Variants in ATAD5 observed in about 807,000 individuals in gnomAD.
ATAD5 encodes ATPase family AAA domain containing 5, also known as ATPase family AAA domain-containing protein 5.
ATAD5 carries 58 observed loss-of-function variants against 176.9 expected under a neutral mutation model. The ratio of observed to expected loss-of-function variants is 0.33; its 90% CI spans 0.27 to 0.41. The LOEUF is 0.41. ATAD5 is among the 10% of genes least tolerant of loss of function. The pLI is 1.00. For synonymous variants in ATAD5, 640 were observed against 712.6 expected, an observed-to-expected ratio of 0.90 and a Z score of 1.62; for missense variants, 1,789 against 2,094.1, an observed-to-expected ratio of 0.85 and a Z score of 2.84.
chr17:30,868,690 A>G (rs1039601480), intron 12 of ATAD5, among the ~76,000 whole-genome samples: 1 of 151,574 alleles, frequency 6.6e-6, no homozygotes, highest in East Asian at 1.9e-4. Context: ...TATTTTTAGT[A>G]GAGATGGGGT....
Position 30,837,240 on chromosome 17 carries a change from T to A in ATAD5, c.2002T>A (p.Ser668Thr). ...KFTRISTPKK[S>T]KKKSNKRSEK... ...CACCAGAATTAGTACTCCCAAAAAATCTAAGAAAAAATCTAACAAAAGATC... is the reference window on the plus strand; with the variant it reads ...CACCAGAATTAGTACTCCCAAAAAAACTAAGAAAAAATCTAACAAAAGATC... The change falls in exon 3 of 23, where the codon TCT becomes ACT. Residue 668 changes from serine (S) to threonine (T), a missense_variant. Around this residue, in one of 6 missense-constraint regions of ATAD5, gnomAD observed 487 missense variants for 573.6 expected, o/e 0.85. Transcript: ENST00000321990. The A allele has an allele frequency of 6.3e-7, 1 of 1,574,982 alleles. No homozygotes were observed. Among genetic ancestry groups the A allele is most frequent in the South Asian group, 1.2e-5 (1 of 82,990 alleles).
intron 14 of ATAD5, among the ~76,000 whole-genome samples, chr17:30,875,499 A>AATTAC (rs1344619559): frequency 6.6e-6 from 1 of 152,048 alleles, no homozygotes; most frequent in African/African-American, 2.4e-5. Flanking sequence ...TATTTGTTGT[A>AATTAC]AGAATGTGTA....
intron 2 of ATAD5, among the ~76,000 whole-genome samples, chr17:30,836,306 G>A (rs974767120): frequency 6.6e-6 from 1 of 151,696 alleles, no homozygotes; most frequent in African/African-American, 2.4e-5. Flanking sequence ...AGCCTCCCAA[G>A]TAGCTGGGAC....
chr17:30,841,941 G>A (rs1906144935), intron 4 of ATAD5, among the ~76,000 whole-genome samples: 2 of 151,120 alleles, frequency 1.3e-5, no homozygotes, highest in South Asian at 2.1e-4. Flanking sequence ...TCTTCTGGTT[G>A]AATATATAAA....
chr17:30,884,156 T>G (rs1909177749), intron 18 of ATAD5, among the ~76,000 whole-genome samples: 1 of 151,686 alleles, frequency 6.6e-6, no homozygotes, highest in African/African-American at 2.4e-5. Flanking sequence ...TTTGGCTTGT[T>G]GTGACCGGCT....
At position 30,850,847 on chromosome 17, in the gene ATAD5, ATATATATATATATATATATATATTTT is replaced by A. The variant is rs1906862502; in HGVS notation, c.2451-4294_2451-4269del. On this transcript the variant is annotated intron_variant, in intron 6 of 22. Coordinates refer to ENST00000321990, the MANE Select transcript of ATAD5 (RefSeq NM_024857.5). Reference sequence around the variant, plus strand: ...TTTATATATTTTTATATATATATATATATATATATATATATATATATATTTTTTTTTTTTTTTTTTTTTTTTTTTTT... The same window carrying A: ...TTTATATATTTTTATATATATATATATTTTTTTTTTTTTTTTTTTTTTTTT... Among the ~76,000 whole-genome samples, 4 of 31,384 alleles carry A rather than the reference ATATATATATATATATATATATATTTT, an allele frequency of 1.3e-4. No homozygotes were observed. In the Admixed American group the frequency reaches 1.5e-3, roughly 12 times the overall value. The allele number at this position is 31,384 out of a possible 152,430, so 20.6% of individuals were successfully genotyped here. A position where few individuals can be genotyped will look rare whatever the true frequency, so the allele number is the denominator to read the frequency against.
chr17:30,883,777 C>T (rs1909158750), intron 18 of ATAD5, among the ~76,000 whole-genome samples: 1 of 152,080 alleles, frequency 6.6e-6, no homozygotes, highest in Admixed American at 6.6e-5. Context: ...TTTCGATCTC[C>T]TGACCTCGTG....
intron 12 of ATAD5, among the ~76,000 whole-genome samples, chr17:30,868,866 T>C (rs1373718800): frequency 1.4e-5 from 2 of 147,646 alleles, no homozygotes; most frequent in Non-Finnish European, 3.0e-5. Context: ...TTTTTTTTTT[T>C]CACTCTGTCA....
intron 14 of ATAD5, 117 bp from the exon 15 acceptor site, chr17:30,876,257 T>C: frequency 5.9e-6 from 5 of 850,780 alleles, no homozygotes; most frequent in Non-Finnish European, 8.5e-6. Flanking sequence ...TGAAAGAAAA[T>C]TTCTGTGTCT....
rs1909757846 is a variant in ATAD5, at chr17:30,893,707, C to T, written c.4854C>T (p.Asn1618=). Residue 1618 remains asparagine (N), a synonymous_variant, in exon 21 of 23, where the codon AAC becomes AAT. Transcript: ENST00000321990. The part of the protein sequence containing the change: ...DEESKARDKG[N]NPETKKSIPC... ...AAAGCAAAGCCAGAGACAAAGGAAA[C>T]AATCCAGAGACAAAGAAATCTATTC... The T allele has an allele frequency of 6.2e-7, 1 of 1,613,452 alleles. No homozygotes were observed. The highest frequency in any genetic ancestry group is 1.3e-5 in the African/African-American group (1 of 74,874).
At position 30,835,614 on chromosome 17, in the gene ATAD5, GAAAC is replaced by G; in HGVS notation, c.1536_1539del (p.Lys512AsnfsTer6). On this transcript the variant is annotated frameshift_variant, in exon 2 of 23. Coordinates refer to ENST00000321990, the MANE Select transcript of ATAD5 (RefSeq NM_024857.5). LOFTEE classifies it high-confidence loss of function. Reference sequence around the variant, plus strand: ...AAGAAACAACCTTTTTCTTAAAAGAGAAACAATATCAAAATAGAATGAGTTTAAG... The same window carrying G: ...AAGAAACAACCTTTTTCTTAAAAGAGAATATCAAAATAGAATGAGTTTAAG... The G allele has an allele frequency of 6.2e-7, 1 of 1,610,420 alleles. No homozygotes were observed. The highest frequency in any genetic ancestry group is 8.5e-7 in the Non-Finnish European group (1 of 1,178,642).
chr17:30,872,570 T>G (rs1684578120), intron 14 of ATAD5, among the ~76,000 whole-genome samples: 1 of 147,458 alleles, frequency 6.8e-6, no homozygotes, highest in Admixed American at 6.9e-5. Flanking sequence ...TTTTTTCTTT[T>G]TTTGAGACGG....
intron 3 of ATAD5, among the ~76,000 whole-genome samples, chr17:30,839,496 C>G (rs1292395230): frequency 2.0e-5 from 3 of 151,430 alleles, no homozygotes; most frequent in Non-Finnish European, 2.9e-5. Context: ...AGGATGGTCT[C>G]CATCTCCTGA....
intron 12 of ATAD5, 60 bp from the exon 13 acceptor site, chr17:30,869,188 A>G: frequency 2.6e-6 from 4 of 1,537,326 alleles, no homozygotes; most frequent in Non-Finnish European, 3.5e-6. Flanking sequence ...ACTGGGTTTC[A>G]TAAGGTAGAA....
chr17:30,834,475 G>T lies in ATAD5; in HGVS notation c.394G>T (p.Ala132Ser). ...AAATAATATTAAAACTGAAAATGAA[G>T]CTCCAATTGAAATTAGTAGCGACGA... ...QLNNIKTENE[A>S]PIEISSDDSK... Residue 132 changes from alanine to serine, a missense_variant, in exon 2 of 23, where the codon GCT (alanine) becomes TCT (serine). By Grantham distance (99) the Ala-to-Ser change is moderately conservative (BLOSUM62 1). Transcript: ENST00000321990. The T allele has an allele frequency of 6.3e-7, 1 of 1,585,674 alleles. No homozygotes were observed. The highest frequency in any genetic ancestry group is 8.6e-7 in the Non-Finnish European group (1 of 1,169,426).
intron 19 of ATAD5, among the ~76,000 whole-genome samples, chr17:30,889,886 C>CTTTTTTTTTTT (rs60266614): frequency 5.2e-5 from 5 of 95,718 alleles, no homozygotes; most frequent in East Asian, 2.7e-4. Context: ...TCTTTTCTTT[C>CTTTTTTTTTTT]TTTTTTTTTT....
At chr17:30,836,160 A>G (rs1343673498) in intron 2 of ATAD5, 112 bp downstream of exon 2, 5 of 929,034 alleles carry the variant, frequency 5.4e-6, no homozygotes, top group Middle Eastern at 3.6e-4. Context: ...CAGCTGTTTA[A>G]AAGAAAAAGA....
At chr17:30,865,240 T>C (rs562528338) in intron 10 of ATAD5, among the ~76,000 whole-genome samples, 1 of 151,356 alleles carries the variant, frequency 6.6e-6, no homozygotes, top group Admixed American at 6.6e-5. Context: ...TGGCGCGATC[T>C]CCGCTCATTG....
chr17:30,858,893 G>A (rs758527476), intron 9 of ATAD5, among the ~76,000 whole-genome samples: 17 of 152,186 alleles, frequency 1.1e-4, no homozygotes, highest in Non-Finnish European at 1.3e-4. Flanking sequence ...TGGGTTATGA[G>A]ACTGGCTAGT....
Sources: allele counts gnomAD v4.1 joint callset (sites outside exome capture counted in the v4.1 genomes callset), GRCh38; gene constraint gnomAD v4.1.1; regional missense constraint gnomAD v4.1.1; transcripts MANE v1.5; gene names NCBI Gene and HGNC (gene_info 2026-07-23, HGNC 2026-07-21).